The following CCDC32 variants were observed in gnomAD, a reference collection of about 807,000 sequenced individuals.
CCDC32 encodes the protein coiled-coil domain-containing protein 32.
CCDC32 carries 9 observed loss-of-function variants against 20.1 expected under a neutral mutation model. The observed-to-expected ratio is 0.45, with a 90% CI of 0.27 to 0.78. The LOEUF (loss-of-function observed/expected upper bound fraction) is 0.78. Among genes scored for constraint, CCDC32 ranks in the 30% least tolerant of loss-of-function variants. CCDC32 has a pLI of 0.16. For synonymous variants in CCDC32, 63 were observed against 79.0 expected (o/e 0.80, Z 1.07); for missense variants, 204 against 215.5 (o/e 0.95, Z 0.33).
chr15:40,557,247 A>C lies in CCDC32; in HGVS notation c.370T>G (p.Phe124Val). Residue 124 changes from phenylalanine (F) to valine (V), a missense_variant, in exon 3 of 4, where the codon TTC (phenylalanine) becomes GTC (valine). Transcript: ENST00000416810. ...TCAGAATCAAGTCCATCCACAAAGA[A>C]CTCTGAAGCTAACTTCTCCTGGAGG... ...RFLQEKLASE[F>V]FVDGLDSDES... 1 of 1,613,824 alleles carries C rather than the reference A, an allele frequency of 6.2e-7. No individual in the cohort carries two copies. The highest frequency in any genetic ancestry group is 1.1e-5 in the South Asian group (1 of 90,986).
At chr15:40,530,968 C>T (rs1401717245), downstream of CCDC32, among the ~76,000 whole-genome samples, 1 of 151,708 alleles carries the variant, frequency 6.6e-6, no homozygotes, top group Non-Finnish European at 1.5e-5. Flanking sequence ...TCTCAGCCTT[C>T]AAAAGTGCTG....
At chr15:40,536,219 CA>C (rs1453489563), downstream of CCDC32, 1 of 152,368 alleles carries the variant, frequency 6.6e-6, no homozygotes, top group Non-Finnish European at 1.5e-5. Context: ...CTTCCAGAAG[CA>C]CTAATGAGCA....
chr15:40,553,089 G>A, downstream of CCDC32: 1 of 982,298 alleles, frequency 1.0e-6, no homozygotes, highest in Non-Finnish European at 1.2e-6. Context: ...CAGCACCACA[G>A]ACACTGCTAT....
chr15:40,530,999 C>T (rs1006826983), downstream of CCDC32, among the ~76,000 whole-genome samples: 94 of 151,676 alleles, frequency 6.2e-4, 1 homozygote, highest in African/African-American at 2.1e-3. Context: ...CATGGGCCAC[C>T]GCACCTGGCC....
At chr15:40,521,987 TTC>T in the CCDC32 span, among the ~76,000 whole-genome samples, 3 of 152,364 alleles carry the variant, frequency 2.0e-5, no homozygotes, top group Admixed American at 2.0e-4. Context: ...ATCTATTTTT[TTC>T]TTTTGTCACT....
At chr15:40,559,731 T>C (rs55640412) in intron 2 of CCDC32, among the ~76,000 whole-genome samples, 31,963 of 152,154 alleles carry the variant, frequency 0.21, 4,310 homozygotes, top group East Asian at 0.67. Flanking sequence ...TCTTTCTGTC[T>C]TTCCTCAGAA....
intron 2 of CCDC32, 38 bp downstream of exon 2, chr15:40,562,734 A>G: frequency 6.3e-7 from 1 of 1,579,918 alleles, no homozygotes; most frequent in South Asian, 1.2e-5. Context: ...TTGATGTAAC[A>G]GAACTTCAAT....
At chr15:40,550,940 A>T (rs192587165), downstream of CCDC32, among the ~76,000 whole-genome samples, 6 of 152,234 alleles carry the variant, frequency 3.9e-5, no homozygotes, top group African/African-American at 1.4e-4. Context: ...GTACAGAAAC[A>T]TTCTCTTACC....
rs142645644 is a variant in CCDC32, at chr15:40,545,337, T to TAC, written c.402-5984_402-5983dup. 7.4e-3 allele frequency among the ~76,000 whole-genome samples: 1,112 copies of TAC among 150,704 alleles called. 19 individuals carry two copies. The highest frequency in any genetic ancestry group is 0.031 in the South Asian group (148 of 4,794). On this transcript the variant is annotated intron_variant, in intron 3 of 3. Coordinates refer to the CCDC32 transcript ENST00000558113. ...ACCTATCTGCTTTCTTCTGCACACA[T>TAC]ACACACACACACACACACAATCCCT... is the stretch of plus-strand genomic sequence containing the variant.
chr15:40,522,018 A>G, the CCDC32 span, among the ~76,000 whole-genome samples: 6 of 152,148 alleles, frequency 3.9e-5, no homozygotes, highest in African/African-American at 1.4e-4. Flanking sequence ...GGCCCATACC[A>G]AGGTCACAAA....
chr15:40,550,498 T>C (rs1889807409), downstream of CCDC32, among the ~76,000 whole-genome samples: 1 of 152,222 alleles, frequency 6.6e-6, no homozygotes, highest in African/African-American at 2.4e-5. Flanking sequence ...TTTGTGACCA[T>C]TCAGTAAGCC....
At chr15:40,549,448 T>A (rs1889751183), downstream of CCDC32, among the ~76,000 whole-genome samples, 1 of 152,218 alleles carries the variant, frequency 6.6e-6, no homozygotes, top group Non-Finnish European at 1.5e-5. Flanking sequence ...TATTCATTTC[T>A]ATGGACTCAG....
At chr15:40,545,616 G>A (rs1047824259) in intron 3 of CCDC32, among the ~76,000 whole-genome samples, 1 of 152,150 alleles carries the variant, frequency 6.6e-6, no homozygotes, top group African/African-American at 2.4e-5. Flanking sequence ...CTAGGGAATC[G>A]AGGAGCAAAG....
chr15:40,539,335 G>C, exon 4 of CCDC32: 1 of 1,535,620 alleles, frequency 6.5e-7, no homozygotes, highest in Middle Eastern at 1.7e-4. Flanking sequence ...GCTGCTGCCA[G>C]GGGTTCTGGA....
the CCDC32 span, among the ~76,000 whole-genome samples, chr15:40,521,251 C>CA: frequency 6.6e-6 from 1 of 152,312 alleles, no homozygotes; most frequent in South Asian, 2.1e-4. Context: ...AGTCACTCCT[C>CA]ATTTCCCCTA....
chr15:40,524,557 C>T (rs1894875118), downstream of CCDC32, among the ~76,000 whole-genome samples: 1 of 151,844 alleles, frequency 6.6e-6, no homozygotes, highest in Non-Finnish European at 1.5e-5. Flanking sequence ...CTAGAATGGA[C>T]AAAACTAAGC....
downstream of CCDC32, chr15:40,553,028 G>T: frequency 1.2e-6 from 1 of 813,108 alleles, no homozygotes; most frequent in Non-Finnish European, 1.5e-6. Context: ...GCATGCATTT[G>T]TCTTTACCTC....
chr15:40,554,924 A>AT (rs1184507170), intron 3 of CCDC32, among the ~76,000 whole-genome samples: 1 of 152,232 alleles, frequency 6.6e-6, no homozygotes, highest in Non-Finnish European at 1.5e-5. Flanking sequence ...ATAACAGCAG[A>AT]TTTTAGGCAT....
At chr15:40,543,757 C>G (rs1203999688) in intron 3 of CCDC32, among the ~76,000 whole-genome samples, 1 of 152,078 alleles carries the variant, frequency 6.6e-6, no homozygotes, top group African/African-American at 2.4e-5. Context: ...CCGGGCTTGT[C>G]AGCCTGTTTC....
Sources: gnomAD v4.1 joint callset for allele counts (sites outside exome capture counted in the v4.1 genomes callset) on GRCh38, gnomAD v4.1.1 for gene constraint, MANE v1.5 for transcripts, NCBI Gene and HGNC (gene_info 2026-07-23, HGNC 2026-07-21) for gene names.